The following CDH18 variants were observed in gnomAD, a reference collection of about 807,000 sequenced individuals.
CDH18 encodes the protein cadherin 18, also known as cadherin-18.
In CDH18, 31 loss-of-function variants were observed where a neutral mutation model predicts 67.9. The observed-to-expected ratio is 0.46, with a 90% CI of 0.34 to 0.62. CDH18 has a LOEUF of 0.62. Ranked by LOEUF, CDH18 falls within the 20% of genes least tolerant of loss-of-function variation. The probability of loss-of-function intolerance (pLI) is 0.01; values close to 1 mark genes in which losing one functional copy is unlikely to be tolerated. For missense variants in CDH18, 890 were observed against 975.5 expected (o/e 0.91, Z 1.17); for synonymous variants, 362 against 347.2 (o/e 1.04, Z -0.48).
At chr5:20,341,517 ACT>A (rs925322595) in intron 1 of CDH18, among the ~76,000 whole-genome samples, 2 of 138,142 alleles carry the variant, frequency 1.4e-5, no homozygotes, top group Non-Finnish European at 3.1e-5. Flanking sequence ...TATAAAGGAA[ACT>A]CTTTCTAATA....
chr5:20,487,452 T>C (rs1220689604), intron 1 of CDH18, among the ~76,000 whole-genome samples: 1 of 150,248 alleles, frequency 6.7e-6, no homozygotes, highest in Non-Finnish European at 1.5e-5. Context: ...GCTACATCAA[T>C]ATATTTACTG....
At chr5:19,527,372 T>A (rs1409373194) in intron 9 of CDH18, among the ~76,000 whole-genome samples, 1 of 151,718 alleles carries the variant, frequency 6.6e-6, no homozygotes, top group Non-Finnish European at 1.5e-5. Context: ...CAATAATTTA[T>A]ATGTAAAACT....
intron 2 of CDH18, among the ~76,000 whole-genome samples, chr5:20,135,880 G>C (rs961287884): frequency 2.0e-5 from 3 of 152,176 alleles, no homozygotes; most frequent in Non-Finnish European, 4.4e-5. Context: ...AAGTTGTTCA[G>C]TTTCCATGTA....
chr5:20,103,728 G>A (rs762234193), intron 2 of CDH18, among the ~76,000 whole-genome samples: 13 of 146,394 alleles, frequency 8.9e-5, no homozygotes, highest in South Asian at 2.2e-4. Context: ...GTGAGACGCC[G>A]TCTCAAAAAA....
At chr5:19,778,415 T>G (rs1223412264) in intron 3 of CDH18, among the ~76,000 whole-genome samples, 4 of 152,132 alleles carry the variant, frequency 2.6e-5, no homozygotes, top group African/African-American at 9.7e-5. Context: ...ACTACCTGAA[T>G]TCACAAATAC....
chr5:19,489,302 C>T (rs1318856514), intron 11 of CDH18, among the ~76,000 whole-genome samples: 2 of 141,868 alleles, frequency 1.4e-5, no homozygotes, highest in Non-Finnish European at 3.0e-5. Context: ...GGCTGGAGTG[C>T]AGTGGTGCAA....
rs1353534765 is a variant in CDH18 at position 19,919,714 on chromosome 5, AAC to A, written c.-257+61344_-257+61345del. 3.3e-5 allele frequency among the ~76,000 whole-genome samples: 5 copies of A among 152,352 alleles called. No individual in the cohort carries two copies. In the East Asian group the frequency reaches 9.6e-4, roughly 29 times the overall value. On this transcript the variant is annotated intron_variant, in intron 2 of 12. Transcript: ENST00000382275. ...TATCAACTTATTTGATGGAAGAAAT[AAC>A]AGTCATTTCTACTTTGAATATGTGA... is the stretch of plus-strand genomic sequence containing the variant.
intron 9 of CDH18, among the ~76,000 whole-genome samples, chr5:19,537,842 A>G (rs1333788326): frequency 6.6e-6 from 1 of 152,226 alleles, no homozygotes; most frequent in Non-Finnish European, 1.5e-5. Context: ...AGTATCATTT[A>G]TTAATATATT....
At chr5:20,539,892 G>T (rs1756958492) in intron 1 of CDH18, among the ~76,000 whole-genome samples, 1 of 152,120 alleles carries the variant, frequency 6.6e-6, no homozygotes, top group South Asian at 2.1e-4. Flanking sequence ...TGACTTCAGA[G>T]AAGTTATTTA....
rs550769034 is a variant in CDH18 at position 19,693,611 on chromosome 5, G to A, written c.643+27736C>T. Among the ~76,000 whole-genome samples the A allele has an allele frequency of 2.6e-5, 4 of 152,230 alleles. No homozygotes were observed. The South Asian group carries it at 6.2e-4, about 24-fold the overall frequency. Reference sequence around the variant, plus strand: ...TGTAAATGCTTTAAAAATCATGAGAGGAAGGCCAAGCATGGTGGCTCATGC... The same window carrying A: ...TGTAAATGCTTTAAAAATCATGAGAAGAAGGCCAAGCATGGTGGCTCATGC... On this transcript the variant is annotated intron_variant, in intron 5 of 12. Transcript: ENST00000382275.
At chr5:20,206,792 CA>C (rs1225928868) in intron 2 of CDH18, among the ~76,000 whole-genome samples, 5 of 151,862 alleles carry the variant, frequency 3.3e-5, no homozygotes, top group Non-Finnish European at 7.4e-5. Flanking sequence ...AGACAAAATT[CA>C]GTGTTACTTT....
chr5:20,019,458 G>C (rs1264486276), intron 2 of CDH18, among the ~76,000 whole-genome samples: 1 of 151,968 alleles, frequency 6.6e-6, no homozygotes, highest in Non-Finnish European at 1.5e-5. Context: ...GGCCTTGTGG[G>C]AGGTGATTGG....
At chr5:20,384,066 A>C (rs1250215124) in intron 1 of CDH18, among the ~76,000 whole-genome samples, 1 of 152,192 alleles carries the variant, frequency 6.6e-6, no homozygotes, top group Non-Finnish European at 1.5e-5. Context: ...AAAAAAGTAC[A>C]ATAATATAGA....
chr5:20,109,655 A>G (rs536470670), intron 2 of CDH18, among the ~76,000 whole-genome samples: 1 of 152,266 alleles, frequency 6.6e-6, no homozygotes, highest in South Asian at 2.1e-4. Context: ...TGGAATGTAT[A>G]GCCTTTTTCC....
intron 2 of CDH18, among the ~76,000 whole-genome samples, chr5:20,190,368 A>T (rs1561863556): frequency 6.6e-6 from 1 of 152,140 alleles, no homozygotes; most frequent in African/African-American, 2.4e-5. Flanking sequence ...ACTCCATGTA[A>T]TGAATGATCT....
intron 5 of CDH18, among the ~76,000 whole-genome samples, chr5:19,653,731 C>G (rs549934445): frequency 1.3e-5 from 2 of 152,288 alleles, no homozygotes; most frequent in Non-Finnish European, 2.9e-5. Flanking sequence ...CTTTCTGTCT[C>G]TTCCACCATA....
chr5:20,297,192 A>T (rs1747606693), intron 1 of CDH18, among the ~76,000 whole-genome samples: 1 of 152,228 alleles, frequency 6.6e-6, no homozygotes, highest in Admixed American at 6.5e-5. Context: ...CATGAAAATG[A>T]TCCTATAGGT....
intron 2 of CDH18, among the ~76,000 whole-genome samples, chr5:20,103,668 G>A (rs1173132632): frequency 5.3e-5 from 8 of 151,506 alleles, no homozygotes; most frequent in Non-Finnish European, 8.8e-5. Flanking sequence ...GGGAGGCAGA[G>A]GTTGCAGTGA....
At chr5:19,886,357 A>AG (rs992582286) in intron 2 of CDH18, 1 of 152,176 alleles carries the variant, frequency 6.6e-6, no homozygotes, top group African/African-American at 2.4e-5. Context: ...GCAGTAGAGG[A>AG]GATTGCATGA....
Sources: allele counts gnomAD v4.1 joint callset (sites outside exome capture counted in the v4.1 genomes callset), GRCh38; gene constraint gnomAD v4.1.1; transcripts MANE v1.5; gene names NCBI Gene and HGNC (gene_info 2026-07-23, HGNC 2026-07-21).